FBLN1: variants seen among roughly 807,000 people sequenced by gnomAD.
FBLN1 encodes fibulin 1.
In FBLN1, 34 loss-of-function variants were observed where a neutral mutation model predicts 89.7. That is an observed-to-expected ratio of 0.38 (90% CI 0.29 to 0.50). The LOEUF is 0.50. FBLN1 is among the 20% of genes least tolerant of loss of function. The pLI, the probability that FBLN1 is intolerant of heterozygous loss-of-function variation, is 0.92. For synonymous variants in FBLN1, 393 were observed against 391.3 expected (o/e 1.00, Z -0.05); for missense variants, 777 against 988.1 (o/e 0.79, Z 2.86).
chr22:45,551,296 G>C (rs1355479259), intron 14 of FBLN1, among the ~76,000 whole-genome samples: 4 of 152,164 alleles, frequency 2.6e-5, no homozygotes, highest in African/African-American at 9.7e-5. Context: ...CTCCATGCTG[G>C]GACCGATCTC....
At chr22:45,542,109 A>G in intron 9 of FBLN1, 46 bp from the exon 10 acceptor site, 1 of 1,613,510 alleles carries the variant, frequency 6.2e-7, no homozygotes, top group Admixed American at 1.7e-5. Flanking sequence ...GGGGGAAAAA[A>G]CCCAAACTAA....
intron 14 of FBLN1, among the ~76,000 whole-genome samples, chr22:45,564,350 T>C (rs1163150319): frequency 1.3e-5 from 2 of 152,238 alleles, no homozygotes; most frequent in African/African-American, 4.8e-5. Context: ...CTGGCTTCCT[T>C]ACCATTTGGG....
Position 45,532,803 on chromosome 22 carries a change from A to G in FBLN1, c.545-260A>G, listed in dbSNP as rs985796736. On this transcript the variant is annotated intron_variant, in intron 5 of 16. Coordinates refer to ENST00000327858, the MANE Select transcript of FBLN1 (RefSeq NM_006486.3). The surrounding 1 kb of genome is among the most constrained non-coding windows in gnomAD (Gnocchi z 4.2). ...GCTTCGCCCCTTCCAGGTCCACCCC[A>G]GCCTACAAAGGGCACCCTGCACACC... 1 of 564,970 alleles carries G rather than the reference A, an allele frequency of 1.8e-6. No individual in the cohort carries two copies. Among genetic ancestry groups the G allele is most frequent in the African/African-American group, 1.9e-5 (1 of 53,096 alleles). 35.0% of individuals were successfully genotyped at this position (564,970 alleles called of 1,614,324 possible). A position where few individuals can be genotyped will look rare whatever the true frequency, so the allele number is the denominator to read the frequency against.
At chr22:45,534,557 TTG>T (rs2088458653) in intron 7 of FBLN1, among the ~76,000 whole-genome samples, 1 of 152,194 alleles carries the variant, frequency 6.6e-6, no homozygotes. Context: ...ACAAATCCAC[TTG>T]TGTAAAAATG....
chr22:45,541,551 C>T (rs535989960), intron 9 of FBLN1, among the ~76,000 whole-genome samples, 179 bp downstream of exon 9: 1 of 152,306 alleles, frequency 6.6e-6, no homozygotes, highest in African/African-American at 2.4e-5. Flanking sequence ...GGTGCACCAG[C>T]CCGTCTACTG....
Position 45,509,084 on chromosome 22 carries a change from G to A in FBLN1, c.79+6020G>A, listed in dbSNP as rs536701302. Among the ~76,000 whole-genome samples, 7 of 152,284 alleles carry A rather than the reference G, an allele frequency of 4.6e-5. No homozygotes were observed. In the South Asian group the frequency reaches 1.4e-3, roughly 32 times the overall value. On this transcript the variant is annotated intron_variant, in intron 1 of 16. Coordinates refer to ENST00000327858, the MANE Select transcript of FBLN1 (RefSeq NM_006486.3). ...CTGGCCTGAGGAGAGCAAGCGTCCT[G>A]GGACCCTCCAGCCTTTGAAGCTCCA...
chr22:45,555,291 A>ATGT (rs1569254424), intron 14 of FBLN1, among the ~76,000 whole-genome samples: 1 of 144,150 alleles, frequency 6.9e-6, no homozygotes, highest in African/African-American at 2.6e-5. Context: ...ATATATATAT[A>ATGT]AAATGGAATA....
intron 16 of FBLN1, among the ~76,000 whole-genome samples, chr22:45,592,589 A>G (rs1436942639): frequency 1.3e-5 from 2 of 152,124 alleles, no homozygotes; most frequent in Non-Finnish European, 2.9e-5. Context: ...TGGCCTCCCA[A>G]AGTGCTGGGA....
rs761233309 is a variant in FBLN1 at position 45,600,360 on chromosome 22, C to T, written c.2026C>T (p.Leu676=). 30 of 1,614,212 alleles carry T rather than the reference C, an allele frequency of 1.9e-5. 1 individual carries two copies. The South Asian group carries it at 2.6e-4, about 14-fold the overall frequency. ...GGGCCCATTTCATGCCGTCCTGAAG[C>T]TGGAGATGAACTATGTGGTCGGGGG... is the stretch of plus-strand genomic sequence containing the variant. ...IVGPFHAVLK[L]EMNYVVGGVV... Residue 676 remains leucine, a synonymous_variant, in exon 17 of 17, where the codon CTG becomes TTG. Transcript: ENST00000327858.
At chr22:45,504,910 T>C (rs2087998034) in intron 1 of FBLN1, among the ~76,000 whole-genome samples, 1 of 152,182 alleles carries the variant, frequency 6.6e-6, no homozygotes, top group Non-Finnish European at 1.5e-5. Context: ...AGGTTTAATT[T>C]GGTACAGTTT....
At position 45,518,596 on chromosome 22, in the gene FBLN1, C is replaced by T. The variant is rs981753984; in HGVS notation, c.80-86C>T. 1.6e-4 allele frequency: 154 copies of T among 942,958 alleles called. No individual in the cohort carries two copies. The Admixed American group carries it at 2.4e-3, about 15-fold the overall frequency. 58.4% of individuals were successfully genotyped at this position (942,958 alleles called of 1,614,324 possible). A position where few individuals can be genotyped will look rare whatever the true frequency, so the allele number is the denominator to read the frequency against. ...TGATGCTGTCGTCAAGACAGAAGGA[C>T]GTGCGTGTCCTGGTGGTGCATCTGG... is the stretch of plus-strand genomic sequence containing the variant. On this transcript the variant is annotated intron_variant, in intron 1 of 16. Coordinates refer to ENST00000327858, the MANE Select transcript of FBLN1 (RefSeq NM_006486.3).
intron 14 of FBLN1, among the ~76,000 whole-genome samples, chr22:45,551,646 C>T (rs1214433119): frequency 6.6e-6 from 1 of 152,252 alleles, no homozygotes; most frequent in East Asian, 1.9e-4. Flanking sequence ...TTGTTTCCTT[C>T]CTGAGCTTGG....
In FBLN1 at chr22:45,535,461, G is replaced by C. The variant is rs536376298; in HGVS notation, c.922+124G>C. On this transcript the variant is annotated intron_variant, in intron 8 of 16. Transcript: ENST00000327858. ...CAGAACAGGGGTTGGCAAACTTTTT[G>C]TGTAAAGGGCTGGACAGCAAATAGA... The C allele has an allele frequency of 3.5e-4, 398 of 1,136,782 alleles. No homozygotes were observed. In the African/African-American group the frequency reaches 5.5e-3, roughly 16 times the overall value. The allele number at this position is 1,136,782 out of a possible 1,614,324, so 70.4% of individuals were successfully genotyped here. A position where few individuals can be genotyped will look rare whatever the true frequency, so the allele number is the denominator to read the frequency against.
intron 1 of FBLN1, among the ~76,000 whole-genome samples, chr22:45,508,552 C>T (rs571287763): frequency 2.2e-4 from 34 of 152,252 alleles, no homozygotes; most frequent in South Asian, 1.0e-3. Flanking sequence ...TGAGCCACCG[C>T]GCCCAGCCAG....
At chr22:45,528,173 G>A (rs1360485188) in intron 4 of FBLN1, among the ~76,000 whole-genome samples, 164 bp downstream of exon 4, 1 of 152,222 alleles carries the variant, frequency 6.6e-6, no homozygotes, top group Non-Finnish European at 1.5e-5. Flanking sequence ...TGGAGCCCCA[G>A]GGAAGGAGGG....
chr22:45,561,034 C>CA lies in FBLN1; in HGVS notation c.1697+10425dup, dbSNP rs1269028662. Among the ~76,000 whole-genome samples, 3 of 152,042 alleles carry CA rather than the reference C, an allele frequency of 2.0e-5. No individual in the cohort carries two copies. The highest frequency in any genetic ancestry group is 2.1e-4 in the South Asian group (1 of 4,816). Reference sequence around the variant, plus strand: ...GAAGCTGTTAAGCTGTTTCTTCTGGCAAAAAAGATTCATCAGAGTTTATAA... The same window carrying CA: ...GAAGCTGTTAAGCTGTTTCTTCTGGCAAAAAAAGATTCATCAGAGTTTATAA... On this transcript the variant is annotated intron_variant, in intron 14 of 16. Transcript: ENST00000327858. The surrounding 1 kb of genome is among the most constrained non-coding windows in gnomAD (Gnocchi z 4.7).
chr22:45,525,796 T>A, intron 3 of FBLN1, 118 bp downstream of exon 3: 1 of 1,366,480 alleles, frequency 7.3e-7, no homozygotes, highest in Non-Finnish European at 1.0e-6. Flanking sequence ...CCTTTCTTTG[T>A]GAGCAGCTGG....
intron 14 of FBLN1, among the ~76,000 whole-genome samples, chr22:45,569,746 T>C (rs1283286545): frequency 1.3e-5 from 2 of 152,126 alleles, no homozygotes; most frequent in East Asian, 3.9e-4. Context: ...GAAGTCAGAC[T>C]TCTACAAGCC....
intron 11 of FBLN1, among the ~76,000 whole-genome samples, chr22:45,546,864 A>G (rs1244661292): frequency 2.6e-5 from 4 of 152,184 alleles, no homozygotes; most frequent in Non-Finnish European, 4.4e-5. Flanking sequence ...CCATCCTGGC[A>G]GGAGAAGTTG....
Sources: allele counts gnomAD v4.1 joint callset (sites outside exome capture counted in the v4.1 genomes callset), GRCh38; gene constraint gnomAD v4.1.1; non-coding constraint Gnocchi (gnomAD v3.1); transcripts MANE v1.5; gene names NCBI Gene and HGNC (gene_info 2026-07-23, HGNC 2026-07-21).